ZNF518A: variants seen among roughly 807,000 people sequenced by gnomAD.
ZNF518A encodes zinc finger protein 518.
In ZNF518A, 47 loss-of-function variants were observed where a neutral mutation model predicts 102.7. That is an observed-to-expected ratio of 0.46 (90% CI 0.36 to 0.58). The LOEUF (loss-of-function observed/expected upper bound fraction) is 0.58. Among genes scored for constraint, ZNF518A ranks in the 20% least tolerant of loss-of-function variants. The pLI, the probability that ZNF518A is intolerant of heterozygous loss-of-function variation, is 0.00. For synonymous variants in ZNF518A, 652 were observed against 594.6 expected (o/e 1.10, Z -1.40); for missense variants, 1,793 against 1,699.8 (o/e 1.05, Z -0.96).
At chr10:96,186,222 G>A (rs587749822) in intron 1 of ZNF518A, among the ~76,000 whole-genome samples, 1 of 152,242 alleles carries the variant, frequency 6.6e-6, no homozygotes, top group South Asian at 2.1e-4. Context: ...CCCTCCATGG[G>A]CTGCACTCCA....
At chr10:96,201,017 G>A in intron 1 of ZNF518A, 2 of 1,614,118 alleles carry the variant, frequency 1.2e-6, no homozygotes, top group Non-Finnish European at 1.7e-6. Flanking sequence ...GAAAAGCTGG[G>A]TAGGGGCCCA....
At chr10:96,197,264 CTGAG>C (rs2083490653) in intron 1 of ZNF518A, among the ~76,000 whole-genome samples, 1 of 151,898 alleles carries the variant, frequency 6.6e-6, no homozygotes, top group Non-Finnish European at 1.5e-5. Flanking sequence ...ATAGAAAATC[CTGAG>C]TGAGATCAAT....
At chr10:96,167,552 T>A (rs1415888885), downstream of ZNF518A, among the ~76,000 whole-genome samples, 3 of 151,942 alleles carry the variant, frequency 2.0e-5, no homozygotes, top group Admixed American at 6.6e-5. Context: ...GAGATAGAAA[T>A]TTTTTTTAAA....
intron 1 of ZNF518A, among the ~76,000 whole-genome samples, chr10:96,173,563 C>G (rs1554891153): frequency 6.6e-6 from 1 of 152,046 alleles, no homozygotes; most frequent in African/African-American, 2.4e-5. Context: ...AAAGTGTCAA[C>G]TCATCAGGAA....
At position 96,156,993 on chromosome 10, in the gene ZNF518A, A is replaced by G; in HGVS notation, c.671A>G (p.Gln224Arg). Residue 224 changes from glutamine to arginine, a missense_variant, in exon 6 of 6, where the codon CAG becomes CGG. Around this residue, in one of 3 missense-constraint regions of ZNF518A, gnomAD observed 1,741 missense variants for 1,622.6 expected, o/e 1.07. Coordinates refer to ENST00000316045, the MANE Select transcript of ZNF518A (RefSeq NM_001330736.2). The part of the protein sequence containing the change: ...FSTQDVGTFV[Q>R]HIHRHNEIHY... ...ACCCAGGATGTTGGCACATTTGTTC[A>G]GCACATTCATAGACATAATGAAATT... 4 of 1,613,900 alleles carry G rather than the reference A, an allele frequency of 2.5e-6. No homozygotes were observed. The highest frequency in any genetic ancestry group is 3.4e-6 in the Non-Finnish European group (4 of 1,179,798).
In ZNF518A at chr10:96,159,366, A is replaced by C. The variant is rs189072560; in HGVS notation, c.3044A>C (p.Lys1015Thr). The change falls in exon 6 of 6, where the codon AAG (lysine) becomes ACG (threonine). Residue 1015 changes from lysine (K) to threonine (T), a missense_variant. Physicochemically the swap from Lys to Thr is moderately conservative, Grantham distance 78 (BLOSUM62 -1). Around this residue, in one of 3 missense-constraint regions of ZNF518A, gnomAD observed 1,741 missense variants for 1,622.6 expected, o/e 1.07. Transcript: ENST00000316045. The stretch of plus-strand genomic sequence containing the variant: ...GAGCCTTGCAAAACACCTATTTTGA[A>C]GGTAGAACCAAACAATAATTGTCTT... ...TKEPCKTPIL[K>T]VEPNNNCLTP... The C allele has an allele frequency of 1.2e-4, 186 of 1,613,842 alleles. No individual in the cohort carries two copies. The highest frequency in any genetic ancestry group is 8.2e-4 in the Middle Eastern group (5 of 6,062).
intron 1 of ZNF518A, among the ~76,000 whole-genome samples, chr10:96,169,759 AT>A (rs1344646807): frequency 2.6e-5 from 4 of 152,182 alleles, no homozygotes; most frequent in Admixed American, 2.6e-4. Context: ...AAAAGTATGA[AT>A]TTTGTAATGT....
Position 96,130,328 on chromosome 10 carries a change from G to C in ZNF518A, c.-877G>C, listed in dbSNP as rs1183846361. On this transcript the variant is annotated 5_prime_UTR_variant, in exon 1 of 6. Transcript: ENST00000316045. ...CCGCAAAGTTTTTCTGGAGAAGTCG[G>C]GGTTTTTTTGCCGAGCGCTTTTGCC... Among the ~76,000 whole-genome samples the C allele has an allele frequency of 6.6e-6, 1 of 152,230 alleles. No homozygotes were observed. The highest frequency in any genetic ancestry group is 2.4e-5 in the African/African-American group (1 of 41,462).
intron 1 of ZNF518A, among the ~76,000 whole-genome samples, chr10:96,195,077 G>A (rs1554894394): frequency 6.6e-6 from 1 of 152,118 alleles, no homozygotes; most frequent in East Asian, 1.9e-4. Context: ...CCAGAGAAAT[G>A]CAAATTAAAA....
chr10:96,154,043 C>T (rs2082577145), intron 3 of ZNF518A, among the ~76,000 whole-genome samples: 1 of 152,204 alleles, frequency 6.6e-6, no homozygotes, highest in Non-Finnish European at 1.5e-5. Context: ...TCCATTTCCC[C>T]ACTCTTGCCC....
rs782210088 is a variant in ZNF518A, at chr10:96,158,121, A to C, written c.1799A>C (p.Lys600Thr). 5 of 1,613,524 alleles carry C rather than the reference A, an allele frequency of 3.1e-6. No individual in the cohort carries two copies. Among genetic ancestry groups the C allele is most frequent in the Non-Finnish European group, 2.5e-6 (3 of 1,179,636 alleles). Residue 600 changes from lysine (K) to threonine (T), a missense_variant, in exon 6 of 6, where the codon AAA becomes ACA. By Grantham distance (78) the Lys-to-Thr change is moderately conservative (BLOSUM62 -1). Transcript: ENST00000316045. Reference sequence around the variant, plus strand: ...GGTACCACCATTAAAAGTCCAGATAAAGTCAACTGTGTTGCCAAACCAAAT... The same window carrying C: ...GGTACCACCATTAAAAGTCCAGATACAGTCAACTGTGTTGCCAAACCAAAT... ...VLGTTIKSPD[K>T]VNCVAKPNAY...
Position 96,157,475 on chromosome 10 carries a change from GC to G in ZNF518A, c.1157del (p.Pro386LeufsTer30). 6.2e-7 allele frequency: 1 copy of G among 1,613,766 alleles called. No homozygotes were observed. Among genetic ancestry groups the G allele is most frequent in the Non-Finnish European group, 8.5e-7 (1 of 1,179,772 alleles). On this transcript the variant is annotated frameshift_variant, in exon 6 of 6. Transcript: ENST00000316045. LOFTEE classifies it high-confidence loss of function. ...ACTACACTGTGAGAATAATGATAAA[GC>G]CCCTGAATCAGAGTCAGAGAAGCCA... ...ERLHCENNDK[A>X]PESESEKPTP...
chr10:96,157,163 G>A lies in ZNF518A; in HGVS notation c.841G>A (p.Val281Ile). 1 of 1,613,338 alleles carries A rather than the reference G, an allele frequency of 6.2e-7. No homozygotes were observed. Among genetic ancestry groups the A allele is most frequent in the Non-Finnish European group, 8.5e-7 (1 of 1,179,610 alleles). ...ATRREHLVRH[V>I]ITLHKEHLYA... The stretch of plus-strand genomic sequence containing the variant: ...CAGGAGAGAACACCTTGTAAGACAT[G>A]TTATAACTTTGCACAAAGAACATTT... The change falls in exon 6 of 6, where the codon GTT becomes ATT. Residue 281 changes from valine (V) to isoleucine (I), a missense_variant. By Grantham distance (29) the Val-to-Ile change is conservative. Around this residue, in one of 3 missense-constraint regions of ZNF518A, gnomAD observed 1,741 missense variants for 1,622.6 expected, o/e 1.07. Coordinates refer to ENST00000316045, the MANE Select transcript of ZNF518A (RefSeq NM_001330736.2).
rs781895165 is a variant in ZNF518A at position 96,158,281 on chromosome 10, G to A, written c.1959G>A (p.Arg653=). Residue 653 remains arginine (R), a synonymous_variant, in exon 6 of 6, where the codon AGG becomes AGA. Coordinates refer to ENST00000316045, the MANE Select transcript of ZNF518A (RefSeq NM_001330736.2). ...TGAATAATTCTAATAAACGTCGTAG[G>A]TTTTCAGGAACAGCAGTGTATGAAA... is the stretch of plus-strand genomic sequence containing the variant. The part of the protein sequence containing the change: ...SKVNNSNKRR[R]FSGTAVYENP... The A allele has an allele frequency of 2.5e-6, 4 of 1,613,562 alleles. No individual in the cohort carries two copies. The highest frequency in any genetic ancestry group is 3.4e-6 in the Non-Finnish European group (4 of 1,179,642).
downstream of ZNF518A, among the ~76,000 whole-genome samples, chr10:96,168,305 CTTTAT>C (rs781818710): frequency 6.6e-5 from 10 of 152,164 alleles, no homozygotes; most frequent in African/African-American, 1.9e-4. Context: ...CGATCTGCTC[CTTTAT>C]TTTATTTTTT....
intron 1 of ZNF518A, among the ~76,000 whole-genome samples, chr10:96,170,015 T>A (rs1292769201): frequency 6.6e-6 from 1 of 152,226 alleles, no homozygotes; most frequent in Admixed American, 6.5e-5. Context: ...TTGTGACACA[T>A]CAACATTCAG....
At chr10:96,176,957 A>C (rs2083208328) in intron 1 of ZNF518A, among the ~76,000 whole-genome samples, 1 of 152,008 alleles carries the variant, frequency 6.6e-6, no homozygotes, top group South Asian at 2.1e-4. Flanking sequence ...GCATGCCTGT[A>C]GTCCCAGCTA....
At chr10:96,202,256 C>A (rs1203776662) in intron 1 of ZNF518A, among the ~76,000 whole-genome samples, 2 of 152,120 alleles carry the variant, frequency 1.3e-5, no homozygotes, top group Non-Finnish European at 2.9e-5. Context: ...GTAACATGAT[C>A]TGCCTATGTT....
At chr10:96,140,391 A>G (rs1160320660) in intron 3 of ZNF518A, among the ~76,000 whole-genome samples, 4 of 152,190 alleles carry the variant, frequency 2.6e-5, no homozygotes, top group Admixed American at 6.5e-5. Flanking sequence ...GAAGCTGAGT[A>G]AGAATGGATC....
Sources: gnomAD v4.1 joint callset for allele counts (sites outside exome capture counted in the v4.1 genomes callset) on GRCh38, gnomAD v4.1.1 for gene constraint, gnomAD v4.1.1 regional missense constraint, MANE v1.5 for transcripts, NCBI Gene and HGNC (gene_info 2026-07-23, HGNC 2026-07-21) for gene names.